NAV3: variants seen among roughly 807,000 people sequenced by gnomAD.
NAV3 encodes the protein pore membrane and/or filament interacting like protein 1.
In NAV3, 87 loss-of-function variants were observed where a neutral mutation model predicts 244.7. That is an observed-to-expected ratio of 0.36 (90% CI 0.30 to 0.42). NAV3 has a LOEUF of 0.42. Ranked by LOEUF, NAV3 falls within the 20% of genes least tolerant of loss-of-function variation. NAV3 has a pLI of 1.00. For synonymous variants in NAV3, 1,126 were observed against 1,042.2 expected (o/e 1.08, Z -1.55); for missense variants, 2,663 against 2,893.3 (o/e 0.92, Z 1.83).
At chr12:77,673,832 G>A (rs1438093849) in intron 2 of NAV3, among the ~76,000 whole-genome samples, 3 of 151,924 alleles carry the variant, frequency 2.0e-5, no homozygotes, top group Admixed American at 6.6e-5. Flanking sequence ...ACTGTGTTGT[G>A]ATCAACACAC....
intron 23 of NAV3, among the ~76,000 whole-genome samples, chr12:78,164,680 G>A (rs1463227404): frequency 6.6e-6 from 1 of 151,978 alleles, no homozygotes; most frequent in African/African-American, 2.4e-5. Context: ...AATAGGGATG[G>A]CCAGGTTATT....
chr12:77,906,069 C>A (rs1885936904), intron 1 of NAV3, among the ~76,000 whole-genome samples: 1 of 152,018 alleles, frequency 6.6e-6, no homozygotes, highest in Non-Finnish European at 1.5e-5. Flanking sequence ...GTGGAGCATG[C>A]AGGAAAGGTA....
At chr12:78,024,987 G>GAA (rs34552517) in intron 9 of NAV3, among the ~76,000 whole-genome samples, 23 of 149,346 alleles carry the variant, frequency 1.5e-4, no homozygotes, top group African/African-American at 4.4e-4. Context: ...GAAAAAGGGG[G>GAA]AAAAAAAAAG....
chr12:77,986,350 A>T (rs1217539456), intron 5 of NAV3, among the ~76,000 whole-genome samples: 1 of 152,220 alleles, frequency 6.6e-6, no homozygotes, highest in African/African-American at 2.4e-5. Flanking sequence ...CGACAGAGCA[A>T]AACTCCATCT....
intron 39 of NAV3, among the ~76,000 whole-genome samples, chr12:78,207,775 G>A (rs535931515): frequency 9.8e-4 from 149 of 152,284 alleles, no homozygotes; most frequent in African/African-American, 3.5e-3. Flanking sequence ...ATTGCAGGAA[G>A]TTAAAACGTT....
intron 2 of NAV3, among the ~76,000 whole-genome samples, chr12:77,635,761 C>T (rs904148012): frequency 6.6e-6 from 1 of 152,088 alleles, no homozygotes; most frequent in South Asian, 2.1e-4. Context: ...CCTTAAATTA[C>T]TTCATTTAAT....
At chr12:77,990,398 C>A (rs1194660938) in intron 5 of NAV3, among the ~76,000 whole-genome samples, 5 of 152,108 alleles carry the variant, frequency 3.3e-5, no homozygotes, top group African/African-American at 1.2e-4. Context: ...GTAATCCTGA[C>A]AAATGAAGGA....
Position 78,196,397 on chromosome 12 carries a change from G to A in NAV3, c.6292-850G>A, listed in dbSNP as rs951578703. 1.6e-4 allele frequency among the ~76,000 whole-genome samples: 24 copies of A among 151,858 alleles called. No individual in the cohort carries two copies. In the Admixed American group the frequency reaches 1.6e-3, roughly 10 times the overall value. On this transcript the variant is annotated intron_variant, in intron 34 of 39. Coordinates refer to ENST00000397909, the MANE Select transcript of NAV3 (RefSeq NM_001024383.2). ...GAGTGAGCAATTCACATATTTACCT[G>A]GCTGCCAGAAACCAAAATCATGGAA...
intron 1 of NAV3, among the ~76,000 whole-genome samples, chr12:77,858,137 G>A (rs1407917440): frequency 6.6e-6 from 1 of 151,994 alleles, no homozygotes; most frequent in Non-Finnish European, 1.5e-5. Flanking sequence ...TTTTACTTTT[G>A]GCAGTGGCTT....
At chr12:77,942,413 AAAAT>A (rs1565942818) in intron 3 of NAV3, among the ~76,000 whole-genome samples, 1 of 151,864 alleles carries the variant, frequency 6.6e-6, no homozygotes, top group African/African-American at 2.4e-5. Flanking sequence ...ATCAAATAAT[AAAAT>A]AAATAAATAA....
chr12:77,925,230 T>C (rs1888078228), intron 1 of NAV3, among the ~76,000 whole-genome samples: 1 of 152,162 alleles, frequency 6.6e-6, no homozygotes, highest in Admixed American at 6.5e-5. Context: ...ATTTTGAAGG[T>C]CAACTTTAAT....
At chr12:78,049,948 A>T (rs1315044628) in intron 9 of NAV3, 45 bp from the exon 10 acceptor site, 20 of 1,332,160 alleles carry the variant, frequency 1.5e-5, no homozygotes, top group Admixed American at 2.0e-5. Flanking sequence ...TATTTTGAGG[A>T]TACTAAATGT....
intron 9 of NAV3, among the ~76,000 whole-genome samples, chr12:78,028,443 A>G (rs1271877837): frequency 6.6e-6 from 1 of 152,234 alleles, no homozygotes; most frequent in Non-Finnish European, 1.5e-5. Context: ...TCTGGAAAAA[A>G]TCTTTGATGC....
At chr12:78,149,738 C>T (rs1370796303) in intron 22 of NAV3, among the ~76,000 whole-genome samples, 1 of 152,032 alleles carries the variant, frequency 6.6e-6, no homozygotes, top group Non-Finnish European at 1.5e-5. Flanking sequence ...TGCCTCCCCA[C>T]CCCTCCCGCT....
chr12:77,762,231 G>C (rs1869504845), intron 2 of NAV3, among the ~76,000 whole-genome samples: 1 of 152,006 alleles, frequency 6.6e-6, no homozygotes, highest in African/African-American at 2.4e-5. Context: ...TGAACAATGA[G>C]AACACATGGA....
At chr12:77,916,833 T>A (rs1383414580) in intron 1 of NAV3, among the ~76,000 whole-genome samples, 1 of 151,958 alleles carries the variant, frequency 6.6e-6, no homozygotes, top group African/African-American at 2.4e-5. Context: ...CAATTAGTGT[T>A]AAAAAATATC....
At chr12:77,590,110 C>A (rs1292993376) in intron 2 of NAV3, among the ~76,000 whole-genome samples, 2 of 152,140 alleles carry the variant, frequency 1.3e-5, no homozygotes, top group African/African-American at 4.8e-5. Context: ...AAAAAGTTGT[C>A]TATGTATAGA....
At chr12:78,080,188 A>G (rs1031384289) in intron 12 of NAV3, among the ~76,000 whole-genome samples, 10 of 152,172 alleles carry the variant, frequency 6.6e-5, no homozygotes, top group Non-Finnish European at 1.0e-4. Context: ...TATCTCTTGC[A>G]TAGTAGGTAC....
chr12:77,914,639 A>G (rs1016862533), intron 1 of NAV3, among the ~76,000 whole-genome samples: 6 of 152,026 alleles, frequency 3.9e-5, no homozygotes, highest in African/African-American at 1.4e-4. Flanking sequence ...ACCCCCTTTC[A>G]TGATTATGGA....
Sources: gnomAD v4.1 joint callset for allele counts (sites outside exome capture counted in the v4.1 genomes callset) on GRCh38, gnomAD v4.1.1 for gene constraint, MANE v1.5 for transcripts, NCBI Gene and HGNC (gene_info 2026-07-23, HGNC 2026-07-21) for gene names.